Variants in ABCG2 observed in about 807,000 individuals in gnomAD.
ABCG2 encodes broad substrate specificity ATP-binding cassette transporter ABCG2.
ABCG2 carries 80 observed loss-of-function variants against 73.5 expected under a neutral mutation model. The ratio of observed to expected loss-of-function variants is 1.09; its 90% CI spans 0.91 to 1.31. ABCG2 has a LOEUF of 1.31. ABCG2 is among the 50% of genes most tolerant of loss of function. The pLI is 0.00. For synonymous variants in ABCG2, 269 were observed against 282.4 expected, an observed-to-expected ratio of 0.95 and a Z score of 0.48; for missense variants, 796 against 786.2, an observed-to-expected ratio of 1.01 and a Z score of -0.15.
At chr4:88,194,778 A>C (rs1728873984) in intron 1 of ABCG2, among the ~76,000 whole-genome samples, 1 of 152,096 alleles carries the variant, frequency 6.6e-6, no homozygotes, top group South Asian at 2.1e-4. Context: ...TGGCATCTTG[A>C]AAAGATAGCA....
intron 9 of ABCG2, among the ~76,000 whole-genome samples, chr4:88,112,375 T>C (rs13120400): frequency 0.2 from 30,967 of 152,026 alleles, 4,142 homozygotes; most frequent in Non-Finnish European, 0.29. Context: ...TCAGTGACAG[T>C]AGGTGAAGGT....
intron 5 of ABCG2, 34 bp from the exon 6 acceptor site, chr4:88,121,826 C>A: frequency 6.3e-7 from 1 of 1,597,036 alleles, no homozygotes; most frequent in South Asian, 1.1e-5. Flanking sequence ...TCAATGATAA[C>A]AACCAGTCAT....
At chr4:88,214,138 C>T (rs1466204034) in intron 1 of ABCG2, among the ~76,000 whole-genome samples, 1 of 151,690 alleles carries the variant, frequency 6.6e-6, no homozygotes, top group Non-Finnish European at 1.5e-5. Context: ...CAGGCGCATA[C>T]AACCATGCCT....
intron 1 of ABCG2, among the ~76,000 whole-genome samples, chr4:88,194,421 G>T (rs1728846300): frequency 6.6e-6 from 1 of 151,932 alleles, no homozygotes; most frequent in Admixed American, 6.6e-5. Context: ...ATGGTGGCAG[G>T]CGCCTGTAGT....
chr4:88,121,779 A>G lies in ABCG2; in HGVS notation c.545T>C (p.Phe182Ser), dbSNP rs1332649498. Reference protein sequence around the residue: ...KVADSKVGTQFIRGVSGGERK... With the variant: ...KVADSKVGTQSIRGVSGGERK... ...TTCTCCTCCAGACACACCACGGATAAACTGAGTTCCAACCTAAATCACAAA... is the reference window on the plus strand; with the variant it reads ...TTCTCCTCCAGACACACCACGGATAGACTGAGTTCCAACCTAAATCACAAA... Residue 182 changes from phenylalanine (F) to serine (S), a missense_variant, in exon 6 of 16, where the codon TTT becomes TCT. Physicochemically the swap from Phe to Ser is radical, Grantham distance 155. Coordinates refer to ENST00000237612, the MANE Select transcript of ABCG2 (RefSeq NM_004827.3). The G allele has an allele frequency of 6.2e-7, 1 of 1,612,298 alleles. No homozygotes were observed. Among genetic ancestry groups the G allele is most frequent in the East Asian group, 2.2e-5 (1 of 44,856 alleles).
chr4:88,151,168 C>T (rs1024440887), intron 1 of ABCG2, among the ~76,000 whole-genome samples: 1 of 152,200 alleles, frequency 6.6e-6, no homozygotes, highest in Admixed American at 6.5e-5. Flanking sequence ...AAAGTCATCA[C>T]CCTTTCTCTT....
chr4:88,100,207 A>T (rs940518974), intron 11 of ABCG2, among the ~76,000 whole-genome samples: 1 of 148,512 alleles, frequency 6.7e-6, no homozygotes, highest in Non-Finnish European at 1.5e-5. Context: ...AAAAAAAAAA[A>T]ACAGCCAGGC....
At chr4:88,125,962 A>G (rs1276067326) in intron 5 of ABCG2, among the ~76,000 whole-genome samples, 4 of 152,188 alleles carry the variant, frequency 2.6e-5, no homozygotes, top group Non-Finnish European at 4.4e-5. Context: ...TAGAGACAGG[A>G]AAAAACCCTT....
At chr4:88,158,275 C>T (rs1220605369) in intron 1 of ABCG2, 111 bp downstream of exon 1, 1 of 322,714 alleles carries the variant, frequency 3.1e-6, no homozygotes, top group Admixed American at 4.4e-5. Flanking sequence ...GGCTAAAAAA[C>T]TCAGTCGTCT....
At chr4:88,203,326 G>A (rs377313267) in intron 1 of ABCG2, among the ~76,000 whole-genome samples, 12 of 152,158 alleles carry the variant, frequency 7.9e-5, no homozygotes, top group African/African-American at 2.9e-4. Flanking sequence ...GTGGATTCTA[G>A]TAGCTGAATT....
At position 88,186,593 on chromosome 4, in the gene ABCG2, T is replaced by C. The variant is rs371060302; in HGVS notation, c.-20+44401A>G. Among the ~76,000 whole-genome samples the C allele has an allele frequency of 8.0e-4, 122 of 152,090 alleles. 7 individuals carry two copies. The South Asian group carries it at 0.023, about 29-fold the overall frequency. ...GAGTTTGAGACAAGCCTGGCTAACA[T>C]GGTGAAATCCTGTCTCTACTAAAAA... On this transcript the variant is annotated intron_variant, in intron 1 of 15. Transcript: ENST00000515655.
chr4:88,204,439 C>T (rs934456943), intron 1 of ABCG2, among the ~76,000 whole-genome samples: 11 of 151,996 alleles, frequency 7.2e-5, no homozygotes, highest in Non-Finnish European at 1.3e-4. Flanking sequence ...AACAAACAAA[C>T]AAACAAAAGA....
intron 1 of ABCG2, among the ~76,000 whole-genome samples, chr4:88,230,184 G>T (rs1203757700): frequency 6.7e-6 from 1 of 148,878 alleles, no homozygotes; most frequent in East Asian, 2.0e-4. Context: ...GTAAAGACAG[G>T]GTTTCACCAT....
intron 1 of ABCG2, among the ~76,000 whole-genome samples, chr4:88,213,850 T>G (rs1163690978): frequency 2.0e-5 from 3 of 151,830 alleles, no homozygotes. Context: ...GCCCAGCTAA[T>G]TTTTTGTATT....
At chr4:88,143,865 T>C (rs28742177) in intron 1 of ABCG2, among the ~76,000 whole-genome samples, 1 of 152,000 alleles carries the variant, frequency 6.6e-6, no homozygotes, top group African/African-American at 2.4e-5. Context: ...AAAAAAAACA[T>C]AGTAAGGATT....
At chr4:88,148,608 T>C (rs1457412269) in intron 1 of ABCG2, among the ~76,000 whole-genome samples, 3 of 152,164 alleles carry the variant, frequency 2.0e-5, no homozygotes, top group Non-Finnish European at 1.5e-5. Flanking sequence ...AAGGTATCTA[T>C]AGGAAATTAA....
chr4:88,122,270 T>C (rs777785939), intron 5 of ABCG2, among the ~76,000 whole-genome samples: 13 of 148,706 alleles, frequency 8.7e-5, no homozygotes, highest in Non-Finnish European at 1.0e-4. Context: ...GCTGCAGGAG[T>C]TTTTTTTTCA....
At chr4:88,139,246 C>T (rs1725457955) in intron 2 of ABCG2, among the ~76,000 whole-genome samples, 2 of 151,988 alleles carry the variant, frequency 1.3e-5, no homozygotes, top group Admixed American at 1.3e-4. Flanking sequence ...TAAATGCACC[C>T]TCACAAAGTA....
chr4:88,183,565 C>T lies in ABCG2; in HGVS notation c.-19-43551G>A, dbSNP rs371691167. Among the ~76,000 whole-genome samples the T allele has an allele frequency of 4.6e-5, 7 of 151,950 alleles. No individual in the cohort carries two copies. In the East Asian group the frequency reaches 7.7e-4, roughly 17 times the overall value. On this transcript the variant is annotated intron_variant, in intron 1 of 15. Transcript: ENST00000515655. Reference sequence around the variant, plus strand: ...CTAATAACAAGTAACAAGATTGAAGCCATAATAAAAAGTCTCCTAGCAAAG... The same window carrying T: ...CTAATAACAAGTAACAAGATTGAAGTCATAATAAAAAGTCTCCTAGCAAAG...
Sources: gnomAD v4.1 joint callset for allele counts (sites outside exome capture counted in the v4.1 genomes callset) on GRCh38, gnomAD v4.1.1 for gene constraint, MANE v1.5 for transcripts, NCBI Gene and HGNC (gene_info 2026-07-23, HGNC 2026-07-21) for gene names.